The following ANKS1B variants were observed in gnomAD, a reference collection of about 807,000 sequenced individuals.
ANKS1B encodes the protein ankyrin repeat and sterile alpha motif domain containing 1B.
Under a neutral mutation model 148.3 loss-of-function variants are expected in ANKS1B, and 36 were observed. The ratio of observed to expected loss-of-function variants is 0.24; its 90% CI spans 0.19 to 0.32. The LOEUF (loss-of-function observed/expected upper bound fraction) is 0.32. Ranked by LOEUF, ANKS1B falls within the 10% of genes least tolerant of loss-of-function variation. The pLI is 1.00. For synonymous variants in ANKS1B, 542 were observed against 560.8 expected (o/e 0.97, Z 0.47); for missense variants, 1,157 against 1,542.6 (o/e 0.75, Z 4.19).
intron 9 of ANKS1B, among the ~76,000 whole-genome samples, chr12:99,606,784 T>G (rs578061484): frequency 6.6e-6 from 1 of 152,140 alleles, no homozygotes; most frequent in Admixed American, 6.5e-5. Context: ...TTAACAGTTA[T>G]GTTTAAATTG....
At chr12:99,469,827 TA>T (rs1339241937) in intron 10 of ANKS1B, among the ~76,000 whole-genome samples, 10 of 152,062 alleles carry the variant, frequency 6.6e-5, no homozygotes, top group Admixed American at 6.6e-4. Flanking sequence ...ATATCATTCA[TA>T]AAAAAGTTTG....
intron 11 of ANKS1B, among the ~76,000 whole-genome samples, chr12:99,442,766 T>G (rs2095570852): frequency 2.0e-5 from 3 of 151,984 alleles, no homozygotes; most frequent in Admixed American, 2.0e-4. Context: ...AAACAAATCT[T>G]GCTTATTTAG....
chr12:99,076,116 G>A (rs2153601435), intron 16 of ANKS1B, among the ~76,000 whole-genome samples: 1 of 152,112 alleles, frequency 6.6e-6, no homozygotes, highest in Middle Eastern at 3.4e-3. Context: ...GTTATTTTCA[G>A]AATGAATGAA....
At chr12:99,485,087 A>G (rs879568388) in intron 10 of ANKS1B, among the ~76,000 whole-genome samples, 20 of 151,450 alleles carry the variant, frequency 1.3e-4, no homozygotes, top group Non-Finnish European at 2.4e-4. Flanking sequence ...AGTTTTTTTC[A>G]TTATGTCATT....
intron 9 of ANKS1B, among the ~76,000 whole-genome samples, chr12:99,628,857 A>G (rs1324395410): frequency 6.6e-6 from 1 of 152,208 alleles, no homozygotes; most frequent in Non-Finnish European, 1.5e-5. Context: ...ATGAGGGCAG[A>G]GCCCTTGTAA....
At chr12:99,192,131 C>CAAAAAA (rs35767286) in intron 14 of ANKS1B, among the ~76,000 whole-genome samples, 16 of 57,734 alleles carry the variant, frequency 2.8e-4, no homozygotes, top group African/African-American at 4.2e-4. Context: ...GACTCCATCT[C>CAAAAAA]AAAAAAAAAA....
At chr12:99,863,800 G>C (rs1229319818) in intron 1 of ANKS1B, among the ~76,000 whole-genome samples, 6 of 150,286 alleles carry the variant, frequency 4.0e-5, no homozygotes, top group Non-Finnish European at 7.4e-5. Flanking sequence ...GGCCAAGCGT[G>C]GTGGCTCACG....
intron 17 of ANKS1B, among the ~76,000 whole-genome samples, chr12:99,023,867 A>G (rs2099947232): frequency 6.7e-6 from 1 of 149,484 alleles, no homozygotes; most frequent in South Asian, 2.1e-4. Flanking sequence ...ATAAAAGTAT[A>G]TATACATGTG....
At chr12:98,988,178 G>C (rs761548448) in intron 17 of ANKS1B, among the ~76,000 whole-genome samples, 1 of 152,044 alleles carries the variant, frequency 6.6e-6, no homozygotes, top group Non-Finnish European at 1.5e-5. Flanking sequence ...TAGTCACCAC[G>C]TTGTACAAGG....
chr12:99,159,841 C>T (rs563776850), intron 14 of ANKS1B, among the ~76,000 whole-genome samples: 3 of 152,180 alleles, frequency 2.0e-5, no homozygotes, highest in South Asian at 4.2e-4. Flanking sequence ...GTGACATTCC[C>T]ATCAACAGTG....
intron 8 of ANKS1B, among the ~76,000 whole-genome samples, chr12:99,666,623 A>G (rs1430976063): frequency 6.6e-6 from 1 of 152,122 alleles, no homozygotes; most frequent in Non-Finnish European, 1.5e-5. Context: ...GGTCTTGCAC[A>G]TATCTTGTTA....
rs557532893 is a variant in ANKS1B at position 99,403,643 on chromosome 12, G to T, written c.1576-3832C>A. 8.4e-4 allele frequency among the ~76,000 whole-genome samples: 122 copies of T among 145,114 alleles called. 14 individuals are homozygous for T. The highest frequency in any genetic ancestry group is 1.7e-3 in the Non-Finnish European group (111 of 65,862). Reference sequence around the variant, plus strand: ...GTACAGAGGCTCTTTAGTTTTACTAGATTTCATTTGTCAATTTTTTCTTTT... The same window carrying T: ...GTACAGAGGCTCTTTAGTTTTACTATATTTCATTTGTCAATTTTTTCTTTT... On this transcript the variant is annotated intron_variant, in intron 11 of 26. Coordinates refer to ENST00000683438, the MANE Select transcript of ANKS1B (RefSeq NM_001352186.2).
At chr12:99,356,838 T>C (rs567986679) in intron 12 of ANKS1B, among the ~76,000 whole-genome samples, 26 of 152,212 alleles carry the variant, frequency 1.7e-4, no homozygotes, top group Non-Finnish European at 3.5e-4. Flanking sequence ...GAGAGAATTT[T>C]GGAAATACTA....
chr12:99,108,215 T>C (rs868489376), intron 15 of ANKS1B, among the ~76,000 whole-genome samples: 6 of 152,180 alleles, frequency 3.9e-5, no homozygotes, highest in African/African-American at 7.2e-5. Context: ...ATTCAGCTTG[T>C]GAAGATAAGC....
intron 1 of ANKS1B, among the ~76,000 whole-genome samples, chr12:99,878,212 A>G (rs2092254279): frequency 6.6e-6 from 1 of 152,236 alleles, no homozygotes; most frequent in Non-Finnish European, 1.5e-5. Flanking sequence ...GTAGCTCCAG[A>G]CATCTTGTTC....
chr12:98,954,239 A>C (rs2099858766), intron 17 of ANKS1B: 1 of 152,240 alleles, frequency 6.6e-6, no homozygotes. Context: ...GAAATCTGCG[A>C]ACCTGTTTTA....
chr12:99,840,708 A>T (rs948346244), intron 1 of ANKS1B, among the ~76,000 whole-genome samples: 2 of 152,062 alleles, frequency 1.3e-5, no homozygotes, highest in African/African-American at 2.4e-5. Context: ...ATTGCCATTT[A>T]TTAATTTGGA....
chr12:99,103,358 A>C (rs945105907), intron 15 of ANKS1B, among the ~76,000 whole-genome samples: 5 of 152,058 alleles, frequency 3.3e-5, no homozygotes, highest in Non-Finnish European at 5.9e-5. Flanking sequence ...TGCTATTTTG[A>C]CTAGTTTGAG....
intron 1 of ANKS1B, among the ~76,000 whole-genome samples, chr12:99,871,667 G>T (rs2091533994): frequency 6.6e-6 from 1 of 151,946 alleles, no homozygotes; most frequent in Admixed American, 6.6e-5. Context: ...GTTTTTGTGT[G>T]TGTAGCTATT....
Sources: allele counts gnomAD v4.1 joint callset (sites outside exome capture counted in the v4.1 genomes callset), GRCh38; gene constraint gnomAD v4.1.1; transcripts MANE v1.5; gene names NCBI Gene and HGNC (gene_info 2026-07-23, HGNC 2026-07-21).